The following CFDP1 variants were observed in gnomAD, a reference collection of about 807,000 sequenced individuals.
CFDP1 encodes the protein chromatin remodeling protein CFDP1.
Under a neutral mutation model 40.1 loss-of-function variants are expected in CFDP1, and 31 were observed. The observed-to-expected ratio is 0.77, with a 90% CI of 0.58 to 1.04. CFDP1 has a LOEUF of 1.04. Ranked by LOEUF, CFDP1 falls within the 50% of genes least tolerant of loss-of-function variation. CFDP1 has a pLI of 0.00. For synonymous variants in CFDP1, 167 were observed against 120.0 expected (o/e 1.39, Z -2.56); for missense variants, 423 against 343.4 (o/e 1.23, Z -1.83).
At position 75,295,456 on chromosome 16, in the gene CFDP1, T is replaced by C. The variant is rs948562372; in HGVS notation, c.810-1414A>G. 1.6e-4 allele frequency among the ~76,000 whole-genome samples: 24 copies of C among 152,252 alleles called. 1 individual carries two copies. The highest frequency in any genetic ancestry group is 5.8e-4 in the African/African-American group (24 of 41,464). On this transcript the variant is annotated intron_variant, in intron 6 of 6. Transcript: ENST00000283882. ...GGACTGTTGTGTGGATTAAATAAAATAGTGTCTACATCACACAGGGCACAG... is the reference window on the plus strand; with the variant it reads ...GGACTGTTGTGTGGATTAAATAAAACAGTGTCTACATCACACAGGGCACAG...
chr16:75,409,789 G>C (rs774639392), intron 4 of CFDP1, among the ~76,000 whole-genome samples: 2 of 152,162 alleles, frequency 1.3e-5, no homozygotes, highest in South Asian at 2.1e-4. Context: ...ACATTAACCA[G>C]TGGTGAATCT....
At chr16:75,335,056 G>A (rs956162676) in intron 5 of CFDP1, among the ~76,000 whole-genome samples, 1 of 152,168 alleles carries the variant, frequency 6.6e-6, no homozygotes, top group African/African-American at 2.4e-5. Flanking sequence ...TGTGGAAGCT[G>A]AGATATGGCT....
intron 6 of CFDP1, among the ~76,000 whole-genome samples, chr16:75,302,708 G>T (rs1169211224): frequency 1.3e-5 from 2 of 152,182 alleles, no homozygotes; most frequent in African/African-American, 2.4e-5. Flanking sequence ...ACAGAGCTGC[G>T]AGTTACTGGA....
chr16:75,403,070 G>A (rs1018878936), intron 4 of CFDP1, among the ~76,000 whole-genome samples: 3 of 152,088 alleles, frequency 2.0e-5, no homozygotes, highest in South Asian at 2.1e-4. Context: ...GCCCTCTTCT[G>A]ACAAATTGAG....
chr16:75,431,872 A>G (rs1183065677), intron 1 of CFDP1, among the ~76,000 whole-genome samples: 4 of 138,206 alleles, frequency 2.9e-5, no homozygotes, highest in South Asian at 2.5e-4. Flanking sequence ...CCTGAGGAAT[A>G]TTAAATAAAA....
chr16:75,372,752 C>G (rs1393781964), intron 5 of CFDP1, among the ~76,000 whole-genome samples: 1 of 152,160 alleles, frequency 6.6e-6, no homozygotes, highest in Non-Finnish European at 1.5e-5. Flanking sequence ...ATTAACTTTT[C>G]TCCTGGTATT....
intron 5 of CFDP1, among the ~76,000 whole-genome samples, chr16:75,349,289 G>A (rs2078591099): frequency 1.3e-5 from 2 of 151,826 alleles, no homozygotes; most frequent in South Asian, 4.2e-4. Context: ...AAGGCAGGTG[G>A]ATTACTTGAG....
At chr16:75,328,843 G>A (rs1001626544) in intron 5 of CFDP1, among the ~76,000 whole-genome samples, 8 of 144,518 alleles carry the variant, frequency 5.5e-5, no homozygotes, top group South Asian at 2.2e-4. Flanking sequence ...CATGCTCAGC[G>A]AATTTTTTTT....
At chr16:75,304,953 T>C (rs2078247301) in intron 6 of CFDP1, 71 bp downstream of exon 6, 19 of 1,501,958 alleles carry the variant, frequency 1.3e-5, no homozygotes, top group Non-Finnish European at 1.6e-5. Flanking sequence ...AGTGGGCAGT[T>C]TGTCTCCAAT....
chr16:75,403,372 C>A (rs1037403442), intron 4 of CFDP1, among the ~76,000 whole-genome samples: 1 of 152,172 alleles, frequency 6.6e-6, no homozygotes, highest in Non-Finnish European at 1.5e-5. Context: ...ACACACACCA[C>A]AATGACTGGC....
intron 5 of CFDP1, among the ~76,000 whole-genome samples, chr16:75,363,205 C>A (rs2078691381): frequency 6.7e-6 from 1 of 149,172 alleles, no homozygotes; most frequent in African/African-American, 2.5e-5. Context: ...AAAAATGTAA[C>A]AACCAAAGAA....
intron 1 of CFDP1, among the ~76,000 whole-genome samples, chr16:75,420,172 C>G (rs2079262229): frequency 6.8e-6 from 1 of 147,086 alleles, no homozygotes; most frequent in Admixed American, 6.8e-5. Flanking sequence ...ATTAAGTATA[C>G]TGCCACAGGG....
intron 6 of CFDP1, among the ~76,000 whole-genome samples, chr16:75,300,940 T>G (rs1191973328): frequency 1.3e-5 from 2 of 152,106 alleles, no homozygotes; most frequent in Admixed American, 6.5e-5. Context: ...CAGCCAGGGA[T>G]TCTGGGAGGA....
chr16:75,425,607 A>C (rs983619349), intron 1 of CFDP1, among the ~76,000 whole-genome samples: 3 of 152,006 alleles, frequency 2.0e-5, no homozygotes, highest in African/African-American at 7.2e-5. Flanking sequence ...TTCGATGGAG[A>C]AAGAATAATC....
At chr16:75,337,255 G>C (rs1894526254) in intron 5 of CFDP1, among the ~76,000 whole-genome samples, 1 of 152,176 alleles carries the variant, frequency 6.6e-6, no homozygotes, top group African/African-American at 2.4e-5. Flanking sequence ...GAGAGGGAGC[G>C]AGGCCCGGCA....
At chr16:75,321,498 T>C (rs975125386) in intron 5 of CFDP1, among the ~76,000 whole-genome samples, 1 of 152,182 alleles carries the variant, frequency 6.6e-6, no homozygotes, top group East Asian at 1.9e-4. Context: ...GATTTACCTA[T>C]CTCTCAGGTA....
chr16:75,301,713 C>T (rs1004835603), intron 6 of CFDP1: 1 of 151,952 alleles, frequency 6.6e-6, no homozygotes, highest in Non-Finnish European at 1.5e-5. Flanking sequence ...GCATGAGAAT[C>T]ACCTGAGAAG....
At chr16:75,364,897 T>C (rs1210656725) in intron 5 of CFDP1, among the ~76,000 whole-genome samples, 1 of 151,996 alleles carries the variant, frequency 6.6e-6, no homozygotes, top group African/African-American at 2.4e-5. Context: ...CCACTAAACA[T>C]TTATAAATGT....
intron 5 of CFDP1, among the ~76,000 whole-genome samples, chr16:75,362,259 T>C (rs932328995): frequency 4.6e-5 from 7 of 152,208 alleles, no homozygotes; most frequent in Admixed American, 2.6e-4. Flanking sequence ...GTCTTGCCTA[T>C]GGCCTATGGT....
Sources: allele counts gnomAD v4.1 joint callset (sites outside exome capture counted in the v4.1 genomes callset), GRCh38; gene constraint gnomAD v4.1.1; transcripts MANE v1.5; gene names NCBI Gene and HGNC (gene_info 2026-07-23, HGNC 2026-07-21).